Variants in MGAT4D observed in about 807,000 individuals in gnomAD.
The protein encoded by MGAT4D is MGAT4 family member D.
Under a neutral mutation model 15.9 loss-of-function variants are expected in MGAT4D, and 34 were observed. That is an observed-to-expected ratio of 2.14 (90% CI 1.62 to 2.84). The LOEUF is 2.84. MGAT4D is among the 30% of genes most tolerant of loss of function. The pLI, the probability that MGAT4D is intolerant of heterozygous loss-of-function variation, is 0.00. For synonymous variants in MGAT4D, 112 were observed against 48.2 expected (o/e 2.33, Z -5.49); for missense variants, 327 against 140.2 (o/e 2.33, Z -6.73).
At chr4:140,448,457 C>G (rs938581714) in intron 10 of MGAT4D, among the ~76,000 whole-genome samples, 2 of 152,104 alleles carry the variant, frequency 1.3e-5, no homozygotes, top group African/African-American at 4.8e-5. Flanking sequence ...AGTCTTCAAG[C>G]TCTGAGATTC....
At chr4:140,461,597 A>C (rs1160102300) in intron 7 of MGAT4D, among the ~76,000 whole-genome samples, 1 of 152,168 alleles carries the variant, frequency 6.6e-6, no homozygotes, top group African/African-American at 2.4e-5. Context: ...ATAAAATTGT[A>C]AGCCAAGAAA....
chr4:140,462,198 A>G (rs553505121), intron 6 of MGAT4D, among the ~76,000 whole-genome samples, 194 bp from the exon 7 acceptor site: 3 of 152,194 alleles, frequency 2.0e-5, no homozygotes, highest in Non-Finnish European at 2.9e-5. Flanking sequence ...TCTTTATTCA[A>G]TGAACAGTGT....
intron 1 of MGAT4D, among the ~76,000 whole-genome samples, chr4:140,488,528 T>G (rs967949276): frequency 6.6e-6 from 1 of 152,200 alleles, no homozygotes; most frequent in Non-Finnish European, 1.5e-5. Flanking sequence ...TGATTAATTC[T>G]TAAGGAGAAC....
At chr4:140,469,385 A>T (rs763302424) in intron 5 of MGAT4D, among the ~76,000 whole-genome samples, 37 of 152,224 alleles carry the variant, frequency 2.4e-4, no homozygotes, top group Non-Finnish European at 4.3e-4. Context: ...GCACAATGGT[A>T]TTATTCACAC....
chr4:140,471,727 GA>G, intron 5 of MGAT4D, 47 bp downstream of exon 5: 3 of 394,720 alleles, frequency 7.6e-6, no homozygotes, highest in South Asian at 3.7e-5. Flanking sequence ...AAATAAGATA[GA>G]AAAATGAAAG....
At chr4:140,453,482 T>C (rs1425604408) in intron 9 of MGAT4D, among the ~76,000 whole-genome samples, 1 of 151,936 alleles carries the variant, frequency 6.6e-6, no homozygotes, top group Non-Finnish European at 1.5e-5. Context: ...CATATAGATA[T>C]ATAAATATTT....
chr4:140,497,613 G>A (rs1733921477), intron 1 of MGAT4D, among the ~76,000 whole-genome samples: 1 of 152,144 alleles, frequency 6.6e-6, no homozygotes, highest in Non-Finnish European at 1.5e-5. Flanking sequence ...AGGTGGTCAG[G>A]GACGTCCCTC....
chr4:140,447,687 G>A (rs1431572926), intron 10 of MGAT4D, among the ~76,000 whole-genome samples: 1 of 151,816 alleles, frequency 6.6e-6, no homozygotes, highest in Non-Finnish European at 1.5e-5. Context: ...TTAAGTGAGG[G>A]ATTTAGCCTA....
intron 6 of MGAT4D, among the ~76,000 whole-genome samples, chr4:140,463,503 C>T (rs890300625): frequency 6.6e-5 from 10 of 151,916 alleles, no homozygotes; most frequent in African/African-American, 2.4e-4. Context: ...CATCCCTGCT[C>T]GTAGGGTTGC....
At chr4:140,470,274 G>C (rs909876609) in intron 5 of MGAT4D, among the ~76,000 whole-genome samples, 1 of 152,186 alleles carries the variant, frequency 6.6e-6, no homozygotes, top group African/African-American at 2.4e-5. Flanking sequence ...TCCTCGTAAA[G>C]TTCCCCCAAC....
At chr4:140,485,974 C>T (rs892825481) in intron 1 of MGAT4D, among the ~76,000 whole-genome samples, 1 of 151,816 alleles carries the variant, frequency 6.6e-6, no homozygotes, top group Non-Finnish European at 1.5e-5. Flanking sequence ...TGCTCAAAAC[C>T]CTCCAAAATA....
At chr4:140,477,162 C>T (rs1732392681) in intron 3 of MGAT4D, among the ~76,000 whole-genome samples, 2 of 152,124 alleles carry the variant, frequency 1.3e-5, no homozygotes, top group African/African-American at 2.4e-5. Context: ...GGATGACCAC[C>T]CTCTACTTTC....
intron 10 of MGAT4D, among the ~76,000 whole-genome samples, chr4:140,444,697 T>C (rs758289921): frequency 1.1e-4 from 16 of 152,326 alleles, no homozygotes; most frequent in African/African-American, 3.8e-4. Context: ...GTCTTTATGG[T>C]AGAACGATTT....
At chr4:140,496,701 G>C (rs890625289) in intron 1 of MGAT4D, among the ~76,000 whole-genome samples, 2 of 152,024 alleles carry the variant, frequency 1.3e-5, no homozygotes, top group Non-Finnish European at 2.9e-5. Context: ...AAATTATCCG[G>C]GCATGGTGGC....
rs1177501256 is a variant in MGAT4D, at chr4:140,451,445, G to A, written c.1081C>T (p.His361Tyr). ...TGTTCTTTTCTAGGGAATGATGAAT[G>A]TATACCCACATGCTGGAAAAGAGAA... is the stretch of plus-strand genomic sequence containing the variant. ...KPSLFQHVGIHSSFPRKEQYE... is the reference protein window; with the variant it reads ...KPSLFQHVGIYSSFPRKEQYE... The change falls in exon 10 of 11, where the codon CAT becomes TAT. Residue 361 changes from histidine to tyrosine, a missense_variant. Physicochemically the swap from His to Tyr is moderately conservative, Grantham distance 83 (BLOSUM62 2). Transcript: ENST00000511113. The A allele has an allele frequency of 3.2e-6, 2 of 630,762 alleles. No homozygotes were observed. Among genetic ancestry groups the A allele is most frequent in the Non-Finnish European group, 5.8e-6 (2 of 345,400 alleles). The allele number at this position is 630,762 out of a possible 1,614,324, so 39.1% of individuals were successfully genotyped here. A position where few individuals can be genotyped will look rare whatever the true frequency, so the allele number is the denominator to read the frequency against.
At chr4:140,452,950 C>T (rs951275186) in intron 9 of MGAT4D, among the ~76,000 whole-genome samples, 29 of 152,062 alleles carry the variant, frequency 1.9e-4, no homozygotes, top group Admixed American at 1.8e-3. Context: ...AGGTTTAGGT[C>T]GCATTATGGT....
At chr4:140,482,818 T>C (rs1202854978) in intron 1 of MGAT4D, among the ~76,000 whole-genome samples, 3 of 152,160 alleles carry the variant, frequency 2.0e-5, no homozygotes, top group Non-Finnish European at 4.4e-5. Context: ...ATCAGATTTG[T>C]ATTACAGTGT....
intron 10 of MGAT4D, among the ~76,000 whole-genome samples, chr4:140,448,278 A>C (rs1255192519): frequency 6.6e-6 from 1 of 152,148 alleles, no homozygotes; most frequent in African/African-American, 2.4e-5. Flanking sequence ...TTTCATGGAC[A>C]ATATACTGAA....
Position 140,461,837 on chromosome 4 carries a change from C to T in MGAT4D, c.762+92G>A, listed in dbSNP as rs562654408. ...TATAGGAAGGAGGGAGAAAGTAACA[C>T]TTTCAATTTAAATTATATCTATCTA... On this transcript the variant is annotated intron_variant, in intron 7 of 10. Coordinates refer to ENST00000511113, the MANE Select transcript of MGAT4D (RefSeq NM_001277353.2). 2.3e-3 allele frequency: 1,020 copies of T among 452,920 alleles called. 1 individual carries two copies. Among genetic ancestry groups the T allele is most frequent in the Non-Finnish European group, 3.7e-3 (923 of 252,822 alleles). The allele number at this position is 452,920 out of a possible 1,614,324, so 28.1% of individuals were successfully genotyped here.
Sources: allele counts gnomAD v4.1 joint callset (sites outside exome capture counted in the v4.1 genomes callset), GRCh38; gene constraint gnomAD v4.1.1; transcripts MANE v1.5; gene names NCBI Gene and HGNC (gene_info 2026-07-23, HGNC 2026-07-21).